Variants in GABARAPL2 observed in about 807,000 individuals in gnomAD.
GABARAPL2 encodes the protein GABA type A receptor associated protein like 2.
In GABARAPL2, 11 loss-of-function variants were observed where a neutral mutation model predicts 16.9. The ratio of observed to expected loss-of-function variants is 0.65; its 90% CI spans 0.41 to 1.08. The LOEUF (loss-of-function observed/expected upper bound fraction) is 1.08, where lower values mean the gene tolerates loss of function less well. Ranked by LOEUF, GABARAPL2 falls within the 50% of genes least tolerant of loss-of-function variation. GABARAPL2 has a pLI of 0.00. For synonymous variants in GABARAPL2, 57 were observed against 50.7 expected (o/e 1.12, Z -0.53); for missense variants, 134 against 142.5 (o/e 0.94, Z 0.30).
intron 3 of GABARAPL2, among the ~76,000 whole-genome samples, chr16:75,575,158 C>T (rs898012378): frequency 6.6e-6 from 1 of 152,180 alleles, no homozygotes; most frequent in African/African-American, 2.4e-5. Context: ...CCCACGGCTG[C>T]AGGCGTTGTT....
At chr16:75,569,173 G>A (rs563985831) in intron 3 of GABARAPL2, among the ~76,000 whole-genome samples, 5 of 152,324 alleles carry the variant, frequency 3.3e-5, no homozygotes, top group Non-Finnish European at 7.3e-5. Context: ...CCAAATTCCA[G>A]ACCTTATTTC....
In GABARAPL2 at chr16:75,566,397, C is replaced by A. The variant is rs941649969; in HGVS notation, c.-90C>A. The A allele has an allele frequency of 2.4e-5, 24 of 992,366 alleles. No individual in the cohort carries two copies. Among genetic ancestry groups the A allele is most frequent in the Middle Eastern group, 4.8e-4 (2 of 4,196 alleles). 61.5% of individuals were successfully genotyped at this position (992,366 alleles called of 1,614,324 possible). A position where few individuals can be genotyped will look rare whatever the true frequency, so the allele number is the denominator to read the frequency against. Reference sequence around the variant, plus strand: ...GCCGTGTAGTCGCCGCCGTCGCTGCCGCTGCCGCTGCCGCCGTCGTTGTTG... The same window carrying A: ...GCCGTGTAGTCGCCGCCGTCGCTGCAGCTGCCGCTGCCGCCGTCGTTGTTG... On this transcript the variant is annotated 5_prime_UTR_variant, in exon 1 of 4. Coordinates refer to ENST00000037243, the MANE Select transcript of GABARAPL2 (RefSeq NM_007285.7).
At position 75,573,374 on chromosome 16, in the gene GABARAPL2, A is replaced by G. The variant is rs150409647; in HGVS notation, c.264-3905A>G. On this transcript the variant is annotated intron_variant, in intron 3 of 3. Coordinates refer to ENST00000037243, the MANE Select transcript of GABARAPL2 (RefSeq NM_007285.7). ...CAGATCCCGTAAGTGCTGTTTTCAA[A>G]TCAGTCTTGCTTCATGGCACCCAGT... Among the ~76,000 whole-genome samples the G allele has an allele frequency of 2.0e-5, 3 of 152,332 alleles. No individual in the cohort carries two copies. The East Asian group carries it at 5.8e-4, about 29-fold the overall frequency.
intron 3 of GABARAPL2, among the ~76,000 whole-genome samples, chr16:75,573,805 A>T (rs1287628000): frequency 6.6e-6 from 1 of 152,208 alleles, no homozygotes; most frequent in African/African-American, 2.4e-5. Flanking sequence ...GGAGGCAGCA[A>T]AGCTTGGTGG....
At chr16:75,575,359 G>A (rs1281392641) in intron 3 of GABARAPL2, among the ~76,000 whole-genome samples, 2 of 151,630 alleles carry the variant, frequency 1.3e-5, no homozygotes, top group Non-Finnish European at 2.9e-5. Context: ...ACAATGGCAC[G>A]ATCTTGGCTC....
At chr16:75,569,601 G>C (rs1229977564) in intron 3 of GABARAPL2, among the ~76,000 whole-genome samples, 1 of 152,148 alleles carries the variant, frequency 6.6e-6, no homozygotes, top group African/African-American at 2.4e-5. Flanking sequence ...TGGAGGTGTT[G>C]GCTTAGTGGG....
At chr16:75,577,087 G>A (rs192802973) in intron 3 of GABARAPL2, 192 bp from the exon 4 acceptor site, 266 of 511,846 alleles carry the variant, frequency 5.2e-4, no homozygotes, top group East Asian at 4.3e-3. Flanking sequence ...GATGTCAAAT[G>A]GCTTTGCCTT....
intron 3 of GABARAPL2, among the ~76,000 whole-genome samples, chr16:75,570,841 A>AAAGTT: frequency 6.6e-6 from 1 of 152,324 alleles, no homozygotes; most frequent in Admixed American, 6.5e-5. Flanking sequence ...TTCTCTGCCT[A>AAAGTT]GGTGCCAGCA....
Position 75,568,047 on chromosome 16 carries a change from A to C in GABARAPL2, c.101A>C (p.Glu34Ala). 1 of 1,600,432 alleles carries C rather than the reference A, an allele frequency of 6.2e-7. No individual in the cohort carries two copies. The highest frequency in any genetic ancestry group is 8.6e-7 in the Non-Finnish European group (1 of 1,169,342). Residue 34 changes from glutamate (E) to alanine (A), a missense_variant, in exon 3 of 4, where the codon GAA (glutamate) becomes GCA (alanine). By Grantham distance (107) the Glu-to-Ala change is moderately radical. Coordinates refer to ENST00000037243, the MANE Select transcript of GABARAPL2 (RefSeq NM_007285.7). ...TCTTTACTTTCCCAGGTGATTGTGG[A>C]AAAGGTCTCAGGCTCTCAGATTGTT... Reference protein sequence around the residue: ...KYPDRVPVIVEKVSGSQIVDI... With the variant: ...KYPDRVPVIVAKVSGSQIVDI...
Position 75,568,169 on chromosome 16 carries a change from G to A in GABARAPL2, c.223G>A (p.Ala75Thr). ...RKRIQLPSEK[A>T]IFLFVDKTVP... ...AAGGATCCAGCTTCCTTCTGAAAAG[G>A]CGATCTTCCTGTTTGTGGATAAGAC... Residue 75 changes from alanine to threonine, a missense_variant, in exon 3 of 4, where the codon GCG (alanine) becomes ACG (threonine). By Grantham distance (58) the Ala-to-Thr change is moderately conservative. Transcript: ENST00000037243. 1.2e-6 allele frequency: 2 copies of A among 1,613,078 alleles called. No homozygotes were observed. The highest frequency in any genetic ancestry group is 1.7e-6 in the Non-Finnish European group (2 of 1,179,100).
intron 3 of GABARAPL2, among the ~76,000 whole-genome samples, chr16:75,575,265 A>G (rs1170104055): frequency 6.6e-6 from 1 of 151,980 alleles, no homozygotes; most frequent in Non-Finnish European, 1.5e-5. Context: ...ATTTTCTAGT[A>G]GCCACATTAA....
At chr16:75,573,117 G>A (rs1294990099) in intron 3 of GABARAPL2, among the ~76,000 whole-genome samples, 1 of 152,318 alleles carries the variant, frequency 6.6e-6, no homozygotes, top group East Asian at 1.9e-4. Flanking sequence ...TCCAAATTCT[G>A]AGGGGGAAGT....
rs1307796419 is a variant in GABARAPL2 at position 75,577,690 on chromosome 16, A to C, written c.*321A>C. On this transcript the variant is annotated 3_prime_UTR_variant, in exon 4 of 4. Transcript: ENST00000037243. ...ATTAAAGTGAAAGGGAAGGTGATGCATTTATTCTGGGTTATGCTTGAAGTG... is the reference window on the plus strand; with the variant it reads ...ATTAAAGTGAAAGGGAAGGTGATGCCTTTATTCTGGGTTATGCTTGAAGTG... 4.6e-6 allele frequency: 1 copy of C among 218,138 alleles called. No individual in the cohort carries two copies. Among genetic ancestry groups the C allele is most frequent in the Non-Finnish European group, 9.2e-6 (1 of 108,342 alleles). 13.5% of individuals were successfully genotyped at this position (218,138 alleles called of 1,614,324 possible).
chr16:75,574,852 C>T (rs1257129915), intron 3 of GABARAPL2, among the ~76,000 whole-genome samples: 2 of 43,440 alleles, frequency 4.6e-5, no homozygotes, highest in Non-Finnish European at 7.3e-5. Flanking sequence ...TGGTGAAATC[C>T]CACCTCTACT....
chr16:75,570,795 C>T (rs939874493), intron 3 of GABARAPL2, among the ~76,000 whole-genome samples: 1 of 152,204 alleles, frequency 6.6e-6, no homozygotes, highest in Non-Finnish European at 1.5e-5. Flanking sequence ...GAGGGAATCA[C>T]AATGGCCTTT....
intron 1 of GABARAPL2, 81 bp from the exon 2 acceptor site, chr16:75,566,771 G>A: frequency 7.5e-7 from 1 of 1,329,616 alleles, no homozygotes; most frequent in African/African-American, 1.4e-5. Flanking sequence ...TTGTACGCAG[G>A]GCGCAGGAGG....
chr16:75,571,507 C>T (rs2080914313), intron 3 of GABARAPL2, among the ~76,000 whole-genome samples: 1 of 152,116 alleles, frequency 6.6e-6, no homozygotes, highest in Non-Finnish European at 1.5e-5. Flanking sequence ...CAGATTATAC[C>T]AGTAACCCAA....
At position 75,573,122 on chromosome 16, in the gene GABARAPL2, G is replaced by A. The variant is rs184924750; in HGVS notation, c.264-4157G>A. On this transcript the variant is annotated intron_variant, in intron 3 of 3. Coordinates refer to ENST00000037243, the MANE Select transcript of GABARAPL2 (RefSeq NM_007285.7). ...AGCTCAGGCCTCCAAATTCTGAGGG[G>A]GAAGTTTAACTTCTCAGAGGTTTAT... Among the ~76,000 whole-genome samples the A allele has an allele frequency of 1.1e-4, 17 of 152,276 alleles. 1 individual carries two copies. The highest frequency in any genetic ancestry group is 9.8e-4 in the Admixed American group (15 of 15,286).
chr16:75,571,710 G>A (rs981487274), intron 3 of GABARAPL2, among the ~76,000 whole-genome samples: 4 of 148,030 alleles, frequency 2.7e-5, no homozygotes, highest in Non-Finnish European at 3.0e-5. Flanking sequence ...CACTCATGTC[G>A]CCCAGGCTAG....
Sources: allele counts gnomAD v4.1 joint callset (sites outside exome capture counted in the v4.1 genomes callset), GRCh38; gene constraint gnomAD v4.1.1; transcripts MANE v1.5; gene names NCBI Gene and HGNC (gene_info 2026-07-23, HGNC 2026-07-21).